Variants in SLC12A9 observed in about 807,000 individuals in gnomAD.
SLC12A9 encodes solute carrier family 12 member 9, also known as CCC-interacting protein 1.
In SLC12A9, 55 loss-of-function variants were observed where a neutral mutation model predicts 66.0. That is an observed-to-expected ratio of 0.83 (90% CI 0.67 to 1.04). The LOEUF is 1.04. Ranked by LOEUF, SLC12A9 falls within the 50% of genes least tolerant of loss-of-function variation. The pLI is 0.00. For missense variants in SLC12A9, 1,061 were observed against 1,241.9 expected, an observed-to-expected ratio of 0.85 and a Z score of 2.19; for synonymous variants, 577 against 569.0, an observed-to-expected ratio of 1.01 and a Z score of -0.20.
upstream of SLC12A9, among the ~76,000 whole-genome samples, chr7:100,848,696 C>T (rs565267038): frequency 2.4e-3 from 368 of 151,966 alleles, no homozygotes; most frequent in Non-Finnish European, 4.1e-3. Context: ...ACCATTCTGG[C>T]TAACACGGTG....
intron 5 of SLC12A9, 116 bp downstream of exon 5, chr7:100,857,292 T>C (rs1395475697): frequency 2.5e-6 from 3 of 1,179,208 alleles, no homozygotes; most frequent in Non-Finnish European, 3.6e-6. Flanking sequence ...GGGCAGGAGG[T>C]CTGGACTGCA....
At chr7:100,830,648 C>G (rs1472285291) in intron 1 of SLC12A9, among the ~76,000 whole-genome samples, 5 of 151,840 alleles carry the variant, frequency 3.3e-5, no homozygotes, top group African/African-American at 4.8e-5. Flanking sequence ...CTTTACTGAG[C>G]ATCTACTACG....
chr7:100,855,519 A>G, intron 3 of SLC12A9, 187 bp from the exon 4 acceptor site: 1 of 696,628 alleles, frequency 1.4e-6, no homozygotes, highest in East Asian at 2.7e-5. Flanking sequence ...TAGTCCAACA[A>G]TCTCATCTGT....
chr7:100,845,215 G>A (rs562492801), intron 1 of SLC12A9, among the ~76,000 whole-genome samples: 38 of 150,452 alleles, frequency 2.5e-4, no homozygotes, highest in Non-Finnish European at 4.6e-4. Flanking sequence ...GTTGCGGACC[G>A]TTTAGGCCCA....
In SLC12A9 at chr7:100,856,925, T is replaced by C; in HGVS notation, c.506T>C (p.Leu169Pro). The stretch of plus-strand genomic sequence containing the variant: ...CCCCAGGGCTACGGCTGGAACCTGC[T>C]GTATGGCTCCCTGCTGCTGGGCCTT... ...VLPQGYGWNLLYGSLLLGLVG... is the reference protein window; with the variant it reads ...VLPQGYGWNLPYGSLLLGLVG... Residue 169 changes from leucine to proline, a missense_variant, in exon 5 of 14, where the codon CTG (leucine) becomes CCG (proline). Coordinates refer to ENST00000354161, the MANE Select transcript of SLC12A9 (RefSeq NM_020246.4). 1.2e-6 allele frequency: 2 copies of C among 1,612,334 alleles called. No homozygotes were observed. The highest frequency in any genetic ancestry group is 1.7e-6 in the Non-Finnish European group (2 of 1,179,972).
chr7:100,861,599 T>C lies in SLC12A9; in HGVS notation c.1536+15T>C. On this transcript the variant is annotated intron_variant, in intron 11 of 13. Coordinates refer to ENST00000354161, the MANE Select transcript of SLC12A9 (RefSeq NM_020246.4). The surrounding 1 kb of genome is among the most constrained non-coding windows in gnomAD (Gnocchi z 5.3). ...TTTTCCACCAGGTATGGGGAGCTGGTGGGGCGGTGGGGAAATGGGAGGTGG... is the reference window on the plus strand; with the variant it reads ...TTTTCCACCAGGTATGGGGAGCTGGCGGGGCGGTGGGGAAATGGGAGGTGG... The C allele has an allele frequency of 2.5e-6, 4 of 1,610,660 alleles. No individual in the cohort carries two copies. The highest frequency in any genetic ancestry group is 3.4e-6 in the Non-Finnish European group (4 of 1,177,914).
At position 100,854,100 on chromosome 7, in the gene SLC12A9, T is replaced by C. The variant is rs1814236057; in HGVS notation, c.-42-56T>C. 3 of 1,168,190 alleles carry C rather than the reference T, an allele frequency of 2.6e-6. No homozygotes were observed. The South Asian group carries it at 5.2e-5, about 20-fold the overall frequency. 72.4% of individuals were successfully genotyped at this position (1,168,190 alleles called of 1,614,324 possible). On this transcript the variant is annotated intron_variant, in intron 1 of 13. Transcript: ENST00000354161. The stretch of plus-strand genomic sequence containing the variant: ...TTCAGGGTGTTTGATTAGTGGTCTT[T>C]GGGGGTGGGCGAGCTCTGTGGGGGA...
rs1814247844 is a variant in SLC12A9, at chr7:100,854,248, G to A, written c.51G>A (p.Glu17=). 4 of 1,578,898 alleles carry A rather than the reference G, an allele frequency of 2.5e-6. No individual in the cohort carries two copies. The East Asian group carries it at 9.0e-5, about 36-fold the overall frequency. ...PLLAYRLLGE[E]GVALPANGAG... ...TGGCCTACCGGCTCCTGGGGGAGGA[G>A]GGGGTTGCCCTCCCTGCCAATGGGG... The change falls in exon 2 of 14, where the codon GAG becomes GAA. Residue 17 remains glutamate, a synonymous_variant. Transcript: ENST00000354161.
At chr7:100,842,044 G>A (rs1813801630) in intron 1 of SLC12A9, among the ~76,000 whole-genome samples, 2 of 151,104 alleles carry the variant, frequency 1.3e-5, no homozygotes, top group African/African-American at 4.9e-5. Context: ...TCAAACTGTG[G>A]AAGAAAAACT....
intron 1 of SLC12A9, among the ~76,000 whole-genome samples, chr7:100,842,535 G>A (rs1813810239): frequency 6.6e-6 from 1 of 152,200 alleles, no homozygotes. Context: ...TCATGCCATA[G>A]TTGGTCCAAT....
chr7:100,857,440 A>G lies in SLC12A9; in HGVS notation c.757+264A>G, dbSNP rs187264232. 218 of 533,254 alleles carry G rather than the reference A, an allele frequency of 4.1e-4. 1 individual carries two copies. In the Admixed American group the frequency reaches 6.8e-3, roughly 17 times the overall value. The allele number at this position is 533,254 out of a possible 1,614,324, so 33.0% of individuals were successfully genotyped here. A position where few individuals can be genotyped will look rare whatever the true frequency, so the allele number is the denominator to read the frequency against. ...ACATGCATTCAGGAATCAGTTAAATAGCACAGAATGGCCCAGCATGACTTA... is the reference window on the plus strand; with the variant it reads ...ACATGCATTCAGGAATCAGTTAAATGGCACAGAATGGCCCAGCATGACTTA... On this transcript the variant is annotated intron_variant, in intron 5 of 13. Transcript: ENST00000354161.
At chr7:100,852,637 G>A (rs1232861569), upstream of SLC12A9, 3 of 130,358 alleles carry the variant, frequency 2.3e-5, no homozygotes, top group African/African-American at 5.9e-5. Flanking sequence ...AGAGCAGAGA[G>A]GGTCGGGCTT....
At chr7:100,848,676 G>C (rs1276499297), upstream of SLC12A9, among the ~76,000 whole-genome samples, 2 of 151,988 alleles carry the variant, frequency 1.3e-5, no homozygotes, top group Non-Finnish European at 2.9e-5. Flanking sequence ...CACGAGGTCA[G>C]GAGATCGAGA....
Position 100,854,138 on chromosome 7 carries a change from A to C in SLC12A9, c.-42-18A>C. 1.4e-6 allele frequency: 2 copies of C among 1,460,124 alleles called. No individual in the cohort carries two copies. Among genetic ancestry groups the C allele is most frequent in the Non-Finnish European group, 1.8e-6 (2 of 1,100,782 alleles). The allele number at this position is 1,460,124 out of a possible 1,614,324, so 90.4% of individuals were successfully genotyped here. A position where few individuals can be genotyped will look rare whatever the true frequency, so the allele number is the denominator to read the frequency against. ...GCTCTGTGGGGGAGCTTTTGATGCA[A>C]CATAATCTCCTTTGCAGGTCACCTA... On this transcript the variant is annotated intron_variant, in intron 1 of 13. Transcript: ENST00000354161.
At chr7:100,848,531 A>T (rs13245328), upstream of SLC12A9, among the ~76,000 whole-genome samples, 16 of 136,060 alleles carry the variant, frequency 1.2e-4, no homozygotes, top group East Asian at 2.7e-3. Flanking sequence ...AATAAATAAT[A>T]AATAAATACA....
At chr7:100,840,894 C>T (rs938671429) in intron 1 of SLC12A9, among the ~76,000 whole-genome samples, 1 of 138,724 alleles carries the variant, frequency 7.2e-6, no homozygotes, top group Admixed American at 6.8e-5. Flanking sequence ...AAGCCGTATC[C>T]GAAAGCACTG....
intron 1 of SLC12A9, among the ~76,000 whole-genome samples, chr7:100,843,486 C>A (rs542690341): frequency 1.3e-5 from 2 of 152,200 alleles, no homozygotes; most frequent in Non-Finnish European, 2.9e-5. Flanking sequence ...GAACCCTTTA[C>A]ACCCTACGTG....
At chr7:100,859,741 G>GATT (rs1488592248) in intron 7 of SLC12A9, 144 bp from the exon 8 acceptor site, 5 of 1,016,694 alleles carry the variant, frequency 4.9e-6, no homozygotes, top group Non-Finnish European at 7.1e-6. Context: ...ACCACTGAGT[G>GATT]ATTAAATCCA....
chr7:100,835,306 G>A (rs1813627988), intron 1 of SLC12A9, among the ~76,000 whole-genome samples: 1 of 149,714 alleles, frequency 6.7e-6, no homozygotes, highest in Non-Finnish European at 1.5e-5. Flanking sequence ...AGTGAGCTGA[G>A]ATGGTTCCAC....
Sources: gnomAD v4.1 joint callset for allele counts (sites outside exome capture counted in the v4.1 genomes callset) on GRCh38, gnomAD v4.1.1 for gene constraint, Gnocchi (gnomAD v3.1) non-coding constraint, MANE v1.5 for transcripts, NCBI Gene and HGNC (gene_info 2026-07-23, HGNC 2026-07-21) for gene names.